The following PLCH1 variants were observed in gnomAD, a reference collection of about 807,000 sequenced individuals.
PLCH1 encodes the protein 1-phosphatidylinositol 4,5-bisphosphate phosphodiesterase eta-1.
Under a neutral mutation model 126.7 loss-of-function variants are expected in PLCH1, and 60 were observed. That is an observed-to-expected ratio of 0.47 (90% CI 0.38 to 0.59). The LOEUF is 0.59. PLCH1 is among the 20% of genes least tolerant of loss of function. The pLI, the probability that PLCH1 is intolerant of heterozygous loss-of-function variation, is 0.00. For synonymous variants in PLCH1, 719 were observed against 734.9 expected (o/e 0.98, Z 0.35); for missense variants, 1,723 against 2,040.0 (o/e 0.84, Z 2.99).
At chr3:155,699,162 A>G (rs1005093010) in intron 2 of PLCH1, among the ~76,000 whole-genome samples, 3 of 150,356 alleles carry the variant, frequency 2.0e-5, no homozygotes, top group Non-Finnish European at 3.0e-5. Context: ...TGCAACCTCC[A>G]CCTCCCAGGT....
At chr3:155,641,737 T>C (rs1483796981) in intron 2 of PLCH1, among the ~76,000 whole-genome samples, 2 of 152,064 alleles carry the variant, frequency 1.3e-5, no homozygotes, top group Admixed American at 6.5e-5. Flanking sequence ...TCCAAACAAA[T>C]AAAAAATTTT....
At chr3:155,517,844 G>A (rs1323058825) in intron 11 of PLCH1, among the ~76,000 whole-genome samples, 2 of 152,120 alleles carry the variant, frequency 1.3e-5, no homozygotes, top group East Asian at 3.9e-4. Context: ...TTCAATGTGA[G>A]GAAAAGCATG....
Position 155,634,570 on chromosome 3 carries a change from AAGGGGGCCAGAG to A in PLCH1, c.80-38204_80-38193del, listed in dbSNP as rs571609944. Among the ~76,000 whole-genome samples, 774 of 152,234 alleles carry A rather than the reference AAGGGGGCCAGAG, an allele frequency of 5.1e-3. 7 individuals carry two copies. Among genetic ancestry groups the A allele is most frequent in the African/African-American group, 0.018 (738 of 41,544 alleles). ...AATGAAGACTGAAGGATCCACCCATAAGGGGGCCAGAGGTTCCCTCACTGTCTAGAACAACTG... is the reference window on the plus strand; with the variant it reads ...AATGAAGACTGAAGGATCCACCCATAGTTCCCTCACTGTCTAGAACAACTG... On this transcript the variant is annotated intron_variant, in intron 2 of 22. Transcript: ENST00000460012.
intron 2 of PLCH1, among the ~76,000 whole-genome samples, chr3:155,609,095 T>C (rs766655292): frequency 9.9e-5 from 15 of 151,824 alleles, no homozygotes; most frequent in Non-Finnish European, 1.5e-4. Context: ...TTCAAGAAAA[T>C]CAGTGCACTA....
At chr3:155,541,656 G>A (rs774346441) in intron 10 of PLCH1, among the ~76,000 whole-genome samples, 9 of 152,006 alleles carry the variant, frequency 5.9e-5, no homozygotes, top group Admixed American at 2.0e-4. Flanking sequence ...AAAGATCACC[G>A]ATCACAGATC....
chr3:155,537,279 G>T (rs895330723), intron 10 of PLCH1, among the ~76,000 whole-genome samples: 2 of 87,576 alleles, frequency 2.3e-5, no homozygotes, highest in Admixed American at 2.4e-4. Context: ...AAAATACACC[G>T]AAATAAAACC....
intron 2 of PLCH1, among the ~76,000 whole-genome samples, chr3:155,605,027 G>A (rs1052044998): frequency 2.0e-5 from 3 of 152,178 alleles, no homozygotes; most frequent in Admixed American, 6.5e-5. Context: ...TAGGTCTCCC[G>A]CCATTCAAGT....
chr3:155,626,625 C>T (rs530510457), intron 2 of PLCH1, among the ~76,000 whole-genome samples: 22 of 151,628 alleles, frequency 1.5e-4, no homozygotes, highest in African/African-American at 4.8e-4. Context: ...AAAAATTAGC[C>T]GGGCGTGGTG....
intron 10 of PLCH1, among the ~76,000 whole-genome samples, chr3:155,528,443 T>C (rs1576918423): frequency 6.6e-6 from 1 of 152,128 alleles, no homozygotes; most frequent in East Asian, 1.9e-4. Flanking sequence ...AATTAAGAGG[T>C]GATCAGACAT....
At chr3:155,568,086 T>C (rs995862671) in intron 7 of PLCH1, 145 bp downstream of exon 7, 1 of 545,944 alleles carries the variant, frequency 1.8e-6, no homozygotes, top group Non-Finnish European at 3.3e-6. Context: ...CAGGAAAATA[T>C]ATGTGTGTTG....
intron 2 of PLCH1, among the ~76,000 whole-genome samples, chr3:155,677,188 T>C (rs1744165142): frequency 6.6e-6 from 1 of 152,142 alleles, no homozygotes; most frequent in Non-Finnish European, 1.5e-5. Context: ...CTGTGGCCCT[T>C]AGGACTCCCA....
chr3:155,742,993 A>C, intron 1 of PLCH1: 1 of 240,558 alleles, frequency 4.2e-6, no homozygotes, highest in South Asian at 4.2e-5. Flanking sequence ...TATCCCAAGA[A>C]GAATAACTCC....
Position 155,504,610 on chromosome 3 carries a change from T to G in PLCH1, c.1649A>C (p.Glu550Ala). 1.9e-6 allele frequency: 3 copies of G among 1,604,054 alleles called. No homozygotes were observed. The highest frequency in any genetic ancestry group is 2.6e-6 in the Non-Finnish European group (3 of 1,170,816). ...TCGTCCATGTGATTTCTTTCCACTT[T>G]CCTTTACATCTGGACTCTGAATAAA... ...AHLKQSPDVKESGKKSHGRSL... is the reference protein window; with the variant it reads ...AHLKQSPDVKASGKKSHGRSL... Residue 550 changes from glutamate (E) to alanine (A), a missense_variant, in exon 13 of 23, where the codon GAA becomes GCA. This residue lies in a region of PLCH1 where 776 missense variants were observed against 1,062.9 expected (regional missense o/e 0.73). Coordinates refer to ENST00000460012, the MANE Select transcript of PLCH1 (RefSeq NM_014996.4).
chr3:155,505,890 C>T lies in PLCH1; in HGVS notation c.1633-1264G>A, dbSNP rs941943597. Among the ~76,000 whole-genome samples the T allele has an allele frequency of 4.8e-5, 7 of 145,328 alleles. No individual in the cohort carries two copies. In the East Asian group the frequency reaches 1.2e-3, roughly 24 times the overall value. On this transcript the variant is annotated intron_variant, in intron 12 of 22. Transcript: ENST00000460012. ...CTTTAGCAAGCCTCTTCTCTTGGTC[C>T]GCTTTTTTTTTTTTTTTAATCTGTG...
intron 11 of PLCH1, among the ~76,000 whole-genome samples, chr3:155,516,052 A>T (rs1017230615): frequency 1.3e-5 from 2 of 152,200 alleles, no homozygotes; most frequent in Non-Finnish European, 2.9e-5. Flanking sequence ...TCCCTGTATC[A>T]CTATCACATG....
At chr3:155,577,055 G>C (rs1447660733) in intron 6 of PLCH1, among the ~76,000 whole-genome samples, 3 of 152,100 alleles carry the variant, frequency 2.0e-5, no homozygotes, top group Non-Finnish European at 4.4e-5. Context: ...GAAAGAAATT[G>C]TCTCCTAGCC....
chr3:155,466,505 T>C (rs923328444), intron 21 of PLCH1, among the ~76,000 whole-genome samples: 1 of 152,194 alleles, frequency 6.6e-6, no homozygotes, highest in African/African-American at 2.4e-5. Context: ...CTAGAAAACC[T>C]TTCCAAGAAG....
At position 155,594,776 on chromosome 3, in the gene PLCH1, T is replaced by C. The variant is rs983460553; in HGVS notation, c.227-592A>G. Among the ~76,000 whole-genome samples the C allele has an allele frequency of 5.3e-5, 8 of 152,088 alleles. No individual in the cohort carries two copies. The East Asian group carries it at 5.8e-4, about 11-fold the overall frequency. On this transcript the variant is annotated intron_variant, in intron 3 of 22. Coordinates refer to ENST00000460012, the MANE Select transcript of PLCH1 (RefSeq NM_014996.4). Reference sequence around the variant, plus strand: ...ATTTGTAGTAAAAAAAAAATAGATATGTCAATTGAAGCAAAAAGACTGGTA... The same window carrying C: ...ATTTGTAGTAAAAAAAAAATAGATACGTCAATTGAAGCAAAAAGACTGGTA...
chr3:155,734,889 T>G (rs1434868051), intron 1 of PLCH1, among the ~76,000 whole-genome samples: 1 of 152,074 alleles, frequency 6.6e-6, no homozygotes, highest in East Asian at 1.9e-4. Flanking sequence ...TTTTGTATTT[T>G]TAGTAGTGAC....
Sources: gnomAD v4.1 joint callset for allele counts (sites outside exome capture counted in the v4.1 genomes callset) on GRCh38, gnomAD v4.1.1 for gene constraint, gnomAD v4.1.1 regional missense constraint, MANE v1.5 for transcripts, NCBI Gene and HGNC (gene_info 2026-07-23, HGNC 2026-07-21) for gene names.